Variants in AGAP1 observed in about 807,000 individuals in gnomAD.
AGAP1 encodes arf-GAP with GTPase, ANK repeat and PH domain-containing protein 1.
In AGAP1, 29 loss-of-function variants were observed where a neutral mutation model predicts 105.3. The ratio of observed to expected loss-of-function variants is 0.28; its 90% CI spans 0.21 to 0.38. The LOEUF (loss-of-function observed/expected upper bound fraction) is 0.38. AGAP1 is among the 10% of genes least tolerant of loss of function. The probability of loss-of-function intolerance (pLI) is 1.00; values close to 1 mark genes in which losing one functional copy is unlikely to be tolerated. For synonymous variants in AGAP1, 509 were observed against 485.9 expected, an observed-to-expected ratio of 1.05 and a Z score of -0.63; for missense variants, 998 against 1,165.1, an observed-to-expected ratio of 0.86 and a Z score of 2.09.
intron 6 of AGAP1, among the ~76,000 whole-genome samples, chr2:235,765,493 A>G (rs1183944771): frequency 6.6e-6 from 1 of 152,172 alleles, no homozygotes; most frequent in Non-Finnish European, 1.5e-5. Flanking sequence ...AGAGAAGCTG[A>G]ACACTGTTCG....
intron 6 of AGAP1, among the ~76,000 whole-genome samples, chr2:235,780,038 A>G (rs1956159654): frequency 1.3e-5 from 2 of 152,182 alleles, no homozygotes; most frequent in African/African-American, 4.8e-5. Flanking sequence ...TTCATGCAAG[A>G]CCTGGAGTGA....
In AGAP1 at chr2:235,559,781, A is replaced by G. The variant is rs934301667; in HGVS notation, c.163+64932A>G. The stretch of plus-strand genomic sequence containing the variant: ...TATGCTTATCTTAAAGCATATTTAT[A>G]TATTTGTATATCTTAGGAGAAATAC... On this transcript the variant is annotated intron_variant, in intron 1 of 17. Coordinates refer to ENST00000304032, the MANE Select transcript of AGAP1 (RefSeq NM_001037131.3). This position sits in a 1 kb window ranked among gnomAD's most constrained non-coding sequence, Gnocchi z 5.7. Among the ~76,000 whole-genome samples the G allele has an allele frequency of 6.6e-6, 1 of 151,618 alleles. No individual in the cohort carries two copies. Among genetic ancestry groups the G allele is most frequent in the Non-Finnish European group, 1.5e-5 (1 of 67,942 alleles).
In AGAP1 at chr2:236,090,120, C is replaced by T. The variant is rs2059021303; in HGVS notation, c.2115-30072C>T. ...CCTCACCTTGCCCTGCGCGCCTGAGCCCTTCACAGAGACCGGCCGTGTCCT... is the reference window on the plus strand; with the variant it reads ...CCTCACCTTGCCCTGCGCGCCTGAGTCCTTCACAGAGACCGGCCGTGTCCT... On this transcript the variant is annotated intron_variant, in intron 16 of 17. Coordinates refer to ENST00000304032, the MANE Select transcript of AGAP1 (RefSeq NM_001037131.3). This position sits in a 1 kb window ranked among gnomAD's most constrained non-coding sequence, Gnocchi z 4.3. Among the ~76,000 whole-genome samples, 1 of 152,324 alleles carries T rather than the reference C, an allele frequency of 6.6e-6. No individual in the cohort carries two copies. The highest frequency in any genetic ancestry group is 1.9e-4 in the East Asian group (1 of 5,180).
At position 235,935,437 on chromosome 2, in the gene AGAP1, G is replaced by A. The variant is rs116170788; in HGVS notation, c.1483+4514G>A. Among the ~76,000 whole-genome samples the A allele has an allele frequency of 3.2e-3, 489 of 152,292 alleles. 3 individuals are homozygous for A. Among genetic ancestry groups the A allele is most frequent in the African/African-American group, 0.011 (459 of 41,564 alleles). The stretch of plus-strand genomic sequence containing the variant: ...TTTACATTTTTTCCCACTCTTCTAA[G>A]TGTTTGACAGAAGTAATTTTTGCAG... On this transcript the variant is annotated intron_variant, in intron 12 of 17. Transcript: ENST00000304032.
At chr2:235,636,219 G>C (rs888053437) in intron 1 of AGAP1, among the ~76,000 whole-genome samples, 2 of 152,118 alleles carry the variant, frequency 1.3e-5, no homozygotes, top group Non-Finnish European at 1.5e-5. Flanking sequence ...ATCCAGCTTG[G>C]TTCTGGTTTC....
chr2:235,779,497 T>C (rs1479927600), intron 6 of AGAP1, among the ~76,000 whole-genome samples: 1 of 152,224 alleles, frequency 6.6e-6, no homozygotes, highest in African/African-American at 2.4e-5. Flanking sequence ...TATGTGAGAA[T>C]TTGTCAGAGC....
At position 235,893,008 on chromosome 2, in the gene AGAP1, G is replaced by A. The variant is rs1363606617; in HGVS notation, c.1155+9559G>A. 6.6e-6 allele frequency among the ~76,000 whole-genome samples: 1 copy of A among 152,184 alleles called. No individual in the cohort carries two copies. The highest frequency in any genetic ancestry group is 1.5e-5 in the Non-Finnish European group (1 of 68,030). ...CTGCAGAAGGCGTGATTCATCTTAA[G>A]ATCAAAAATTATTTCATCTTGCTTT... On this transcript the variant is annotated intron_variant, in intron 10 of 17. Coordinates refer to ENST00000304032, the MANE Select transcript of AGAP1 (RefSeq NM_001037131.3). This position sits in a 1 kb window ranked among gnomAD's most constrained non-coding sequence, Gnocchi z 4.7.
intron 13 of AGAP1, among the ~76,000 whole-genome samples, chr2:236,017,729 T>C (rs1349837640): frequency 6.6e-6 from 1 of 152,198 alleles, no homozygotes; most frequent in Non-Finnish European, 1.5e-5. Context: ...AGTCTAAGGA[T>C]CTCTCTGAAG....
rs554368524 is a variant in AGAP1, at chr2:235,511,458, G to A, written c.163+16609G>A. ...TGGCCCTCAAGTGTTCTAGGAAACC[G>A]GCTTCTCTGTGGGGATGTGACTCTC... On this transcript the variant is annotated intron_variant, in intron 1 of 17. Coordinates refer to ENST00000304032, the MANE Select transcript of AGAP1 (RefSeq NM_001037131.3). 4.6e-5 allele frequency among the ~76,000 whole-genome samples: 7 copies of A among 152,196 alleles called. No individual in the cohort carries two copies. In the East Asian group the frequency reaches 5.8e-4, roughly 13 times the overall value.
At position 235,882,743 on chromosome 2, in the gene AGAP1, G is replaced by A. The variant is rs1420031977; in HGVS notation, c.1051-602G>A. On this transcript the variant is annotated intron_variant, in intron 9 of 17. Transcript: ENST00000304032. This position sits in a 1 kb window ranked among gnomAD's most constrained non-coding sequence, Gnocchi z 4.6. ...GCCCACCTCGGCCTCCCAAAGTTCT[G>A]GGATTACAGGCGTGAGCCACCGTGC... is the stretch of plus-strand genomic sequence containing the variant. Among the ~76,000 whole-genome samples, 1 of 152,148 alleles carries A rather than the reference G, an allele frequency of 6.6e-6. No individual in the cohort carries two copies. Among genetic ancestry groups the A allele is most frequent in the East Asian group, 1.9e-4 (1 of 5,188 alleles).
intron 1 of AGAP1, among the ~76,000 whole-genome samples, chr2:235,647,287 TTAAAG>T (rs1284160311): frequency 9.5e-6 from 1 of 105,018 alleles, no homozygotes; most frequent in Non-Finnish European, 2.0e-5. Context: ...TGCCCTGCCA[TTAAAG>T]TATTTACTTG....
Position 235,872,945 on chromosome 2 carries a change from C to T in AGAP1, c.1051-10400C>T, listed in dbSNP as rs568595593. On this transcript the variant is annotated intron_variant, in intron 9 of 17. Coordinates refer to ENST00000304032, the MANE Select transcript of AGAP1 (RefSeq NM_001037131.3). The surrounding 1 kb of genome is among the most constrained non-coding windows in gnomAD (Gnocchi z 4.5). ...CAATGGGGCTTTTGTGGTGGCTCCA[C>T]GGTCCCTGAAAGTCCCCACTGGCTC... Among the ~76,000 whole-genome samples the T allele has an allele frequency of 7.2e-5, 11 of 152,284 alleles. No individual in the cohort carries two copies. The highest frequency in any genetic ancestry group is 3.9e-4 in the East Asian group (2 of 5,166).
At position 236,087,090 on chromosome 2, in the gene AGAP1, G is replaced by A. The variant is rs189929413; in HGVS notation, c.2115-33102G>A. Among the ~76,000 whole-genome samples, 380 of 152,252 alleles carry A rather than the reference G, an allele frequency of 2.5e-3. 2 individuals are homozygous for A. Among genetic ancestry groups the A allele is most frequent in the Non-Finnish European group, 3.9e-3 (265 of 68,034 alleles). On this transcript the variant is annotated intron_variant, in intron 16 of 17. Transcript: ENST00000304032. The surrounding 1 kb of genome is among the most constrained non-coding windows in gnomAD (Gnocchi z 5.7). ...AAAGGCCTCGCAGCAGGAGCAGAAGGGACACACACTCCCTCTGAATAGCTC... is the reference window on the plus strand; with the variant it reads ...AAAGGCCTCGCAGCAGGAGCAGAAGAGACACACACTCCCTCTGAATAGCTC...
At chr2:235,766,907 ATTTT>A (rs71036292) in intron 6 of AGAP1, among the ~76,000 whole-genome samples, 3 of 109,916 alleles carry the variant, frequency 2.7e-5, no homozygotes, top group African/African-American at 3.3e-5. Context: ...ACACCGGCTA[ATTTT>A]TTTTTTTTTT....
chr2:235,586,721 C>T lies in AGAP1; in HGVS notation c.163+91872C>T, dbSNP rs1323122993. Among the ~76,000 whole-genome samples, 9 of 152,314 alleles carry T rather than the reference C, an allele frequency of 5.9e-5. No individual in the cohort carries two copies. The highest frequency in any genetic ancestry group is 1.9e-4 in the African/African-American group (8 of 41,572). On this transcript the variant is annotated intron_variant, in intron 1 of 17. Transcript: ENST00000304032. This position sits in a 1 kb window ranked among gnomAD's most constrained non-coding sequence, Gnocchi z 4.2. ...GTACGGCTTCTATGTGTGAACAACA[C>T]AGACCACTAAGAGATGTGACAAAGC...
At chr2:236,071,467 A>G (rs867756999) in intron 16 of AGAP1, among the ~76,000 whole-genome samples, 74 of 152,258 alleles carry the variant, frequency 4.9e-4, no homozygotes, top group African/African-American at 1.8e-3. Flanking sequence ...AAGGATACAT[A>G]CAATCTGGAA....
intron 16 of AGAP1, among the ~76,000 whole-genome samples, chr2:236,052,848 A>C (rs887104821): frequency 2.0e-5 from 3 of 152,162 alleles, no homozygotes; most frequent in Non-Finnish European, 2.9e-5. Context: ...AATTAACTAC[A>C]TCTGGGGTAG....
intron 16 of AGAP1, among the ~76,000 whole-genome samples, chr2:236,084,064 T>G (rs2058857499): frequency 2.0e-5 from 3 of 152,076 alleles, no homozygotes; most frequent in Admixed American, 1.3e-4. Flanking sequence ...GGATTGGCGC[T>G]CTCTGTTCAG....
intron 1 of AGAP1, among the ~76,000 whole-genome samples, chr2:235,516,173 C>T (rs893630442): frequency 4.6e-5 from 7 of 152,094 alleles, no homozygotes; most frequent in Admixed American, 6.6e-5. Flanking sequence ...GTGCTGTCTT[C>T]CCATCCCTCT....
Sources: allele counts gnomAD v4.1 joint callset (sites outside exome capture counted in the v4.1 genomes callset), GRCh38; gene constraint gnomAD v4.1.1; non-coding constraint Gnocchi (gnomAD v3.1); transcripts MANE v1.5; gene names NCBI Gene and HGNC (gene_info 2026-07-23, HGNC 2026-07-21).